The following GRM8 variants were observed in gnomAD, a reference collection of about 807,000 sequenced individuals.
GRM8 encodes the protein metabotropic glutamate receptor 8.
In GRM8, 47 loss-of-function variants were observed where a neutral mutation model predicts 87.2. The observed-to-expected ratio is 0.54, with a 90% CI of 0.43 to 0.69. The LOEUF (loss-of-function observed/expected upper bound fraction) is 0.69, where lower values mean the gene tolerates loss of function less well. Among genes scored for constraint, GRM8 ranks in the 30% least tolerant of loss-of-function variants. The pLI is 0.00. For synonymous variants in GRM8, 396 were observed against 404.5 expected (o/e 0.98, Z 0.25); for missense variants, 1,019 against 1,139.2 (o/e 0.89, Z 1.52).
chr7:126,690,360 C>T (rs1206310128), intron 7 of GRM8, among the ~76,000 whole-genome samples: 5 of 152,242 alleles, frequency 3.3e-5, no homozygotes, highest in East Asian at 1.9e-4. Context: ...CTGGCTGTGG[C>T]GGGGTGGGCA....
At chr7:126,484,381 AAAC>A (rs765026690) in intron 9 of GRM8, among the ~76,000 whole-genome samples, 5 of 152,056 alleles carry the variant, frequency 3.3e-5, no homozygotes, top group African/African-American at 4.8e-5. Flanking sequence ...AAAAGCAAAA[AAAC>A]AACAAGACTG....
At chr7:127,075,867 T>C in intron 3 of GRM8, 1 of 196,168 alleles carries the variant, frequency 5.1e-6, no homozygotes, top group Non-Finnish European at 1.1e-5. Context: ...CTCCCACCAG[T>C]TTCACTGACA....
At position 126,839,545 on chromosome 7, in the gene GRM8, G is replaced by A. The variant is rs142792634; in HGVS notation, c.1156+62997C>T. ...TGAATACATTCACATTTAGGACCAAGTTTTTCATCAGCTGAGAAAATCTGA... is the reference window on the plus strand; with the variant it reads ...TGAATACATTCACATTTAGGACCAAATTTTTCATCAGCTGAGAAAATCTGA... On this transcript the variant is annotated intron_variant, in intron 6 of 10. Transcript: ENST00000339582. Among the ~76,000 whole-genome samples, 481 of 152,234 alleles carry A rather than the reference G, an allele frequency of 3.2e-3. 2 individuals are homozygous for A. Among genetic ancestry groups the A allele is most frequent in the African/African-American group, 0.01 (416 of 41,536 alleles).
At chr7:126,761,797 CT>C (rs960974209) in intron 7 of GRM8, among the ~76,000 whole-genome samples, 8 of 152,178 alleles carry the variant, frequency 5.3e-5, no homozygotes, top group Non-Finnish European at 1.2e-4. Context: ...TGTCTTCAAG[CT>C]ATTATTAAAC....
intron 3 of GRM8, among the ~76,000 whole-genome samples, chr7:126,939,477 A>G (rs1806676712): frequency 6.6e-6 from 1 of 152,226 alleles, no homozygotes; most frequent in Admixed American, 6.5e-5. Flanking sequence ...ATGGGTATTA[A>G]ATGAGAAAAT....
intron 9 of GRM8, among the ~76,000 whole-genome samples, chr7:126,467,884 C>T (rs1270993894): frequency 6.6e-6 from 1 of 151,952 alleles, no homozygotes; most frequent in Admixed American, 6.6e-5. Flanking sequence ...AATAAACTTC[C>T]ATTTACCATT....
intron 8 of GRM8, among the ~76,000 whole-genome samples, chr7:126,569,349 C>T (rs1196140408): frequency 6.6e-6 from 1 of 152,154 alleles, no homozygotes; most frequent in Non-Finnish European, 1.5e-5. Context: ...TACTTTCCAA[C>T]CTGGGTATTT....
intron 3 of GRM8, among the ~76,000 whole-genome samples, chr7:126,933,172 C>T (rs1288514248): frequency 6.6e-6 from 1 of 152,208 alleles, no homozygotes; most frequent in African/African-American, 2.4e-5. Flanking sequence ...GTGGCTTAGC[C>T]CCCAGCAGAA....
chr7:126,640,572 C>A (rs1467586957), intron 7 of GRM8, among the ~76,000 whole-genome samples: 1 of 152,024 alleles, frequency 6.6e-6, no homozygotes, highest in Non-Finnish European at 1.5e-5. Flanking sequence ...TCAGTATGGA[C>A]AAAGAATATA....
chr7:126,697,944 T>A (rs757573010), intron 7 of GRM8, among the ~76,000 whole-genome samples: 4 of 152,192 alleles, frequency 2.6e-5, no homozygotes, highest in Non-Finnish European at 5.9e-5. Flanking sequence ...TTCTTTCATT[T>A]CAGAAATAAA....
At chr7:126,571,001 T>C (rs564956667) in intron 8 of GRM8, among the ~76,000 whole-genome samples, 2 of 152,180 alleles carry the variant, frequency 1.3e-5, no homozygotes, top group Non-Finnish European at 2.9e-5. Flanking sequence ...GCAACTACCC[T>C]CTTCATAAAT....
chr7:127,076,810 G>T (rs979751461), intron 3 of GRM8, among the ~76,000 whole-genome samples: 16 of 152,342 alleles, frequency 1.1e-4, no homozygotes, highest in African/African-American at 3.8e-4. Context: ...AGTAAGGACT[G>T]CCCAAGTGGA....
At chr7:126,496,653 A>C (rs1808788398) in intron 9 of GRM8, among the ~76,000 whole-genome samples, 1 of 151,954 alleles carries the variant, frequency 6.6e-6, no homozygotes, top group South Asian at 2.1e-4. Flanking sequence ...TTTGAAGGTA[A>C]AATCATCCAG....
chr7:126,624,904 C>T (rs986027895), intron 7 of GRM8, among the ~76,000 whole-genome samples: 2 of 152,216 alleles, frequency 1.3e-5, no homozygotes, highest in Non-Finnish European at 2.9e-5. Flanking sequence ...AGGCTGGATT[C>T]CAGCGTGAGT....
intron 6 of GRM8, among the ~76,000 whole-genome samples, chr7:126,881,914 T>C (rs1215745824): frequency 3.3e-5 from 5 of 152,054 alleles, no homozygotes; most frequent in African/African-American, 1.2e-4. Flanking sequence ...TTACAAAACA[T>C]GTAATAATAA....
chr7:126,659,252 G>T (rs1804885998), intron 7 of GRM8, among the ~76,000 whole-genome samples: 2 of 152,152 alleles, frequency 1.3e-5, no homozygotes, highest in Admixed American at 1.3e-4. Flanking sequence ...CTCCAAAATT[G>T]TGAAATAGAA....
intron 7 of GRM8, among the ~76,000 whole-genome samples, chr7:126,727,355 C>A (rs944120052): frequency 1.3e-5 from 2 of 151,724 alleles, no homozygotes; most frequent in Admixed American, 1.3e-4. Context: ...ATATTTGATT[C>A]CAACTTTAAT....
chr7:126,917,830 GT>G (rs2131339257), intron 3 of GRM8, among the ~76,000 whole-genome samples: 1 of 152,278 alleles, frequency 6.6e-6, no homozygotes, highest in East Asian at 1.9e-4. Flanking sequence ...TTAGATAAAT[GT>G]TTTTTGGTCT....
chr7:127,012,564 T>G (rs1815001825), intron 3 of GRM8, among the ~76,000 whole-genome samples: 1 of 152,176 alleles, frequency 6.6e-6, no homozygotes, highest in Non-Finnish European at 1.5e-5. Flanking sequence ...GCCTTGGATG[T>G]CATAATGAAA....
Sources: allele counts gnomAD v4.1 joint callset (sites outside exome capture counted in the v4.1 genomes callset), GRCh38; gene constraint gnomAD v4.1.1; transcripts MANE v1.5; gene names NCBI Gene and HGNC (gene_info 2026-07-23, HGNC 2026-07-21).